The following SLC31A2 variants were observed in gnomAD, a reference collection of about 807,000 sequenced individuals.
The protein encoded by SLC31A2 is protein SLC31A2.
In SLC31A2, 16 loss-of-function variants were observed where a neutral mutation model predicts 14.4. The observed-to-expected ratio is 1.11, with a 90% CI of 0.75 to 1.69. The LOEUF is 1.69. SLC31A2 is among the 40% of genes most tolerant of loss of function. The pLI is 0.00. For missense variants in SLC31A2, 140 were observed against 173.9 expected, an observed-to-expected ratio of 0.81 and a Z score of 1.10; for synonymous variants, 56 against 68.7, an observed-to-expected ratio of 0.82 and a Z score of 0.91.
chr9:113,155,248 C>T (rs943973868), intron 1 of SLC31A2, among the ~76,000 whole-genome samples: 7 of 152,200 alleles, frequency 4.6e-5, no homozygotes, highest in African/African-American at 1.7e-4. Context: ...GTCACAGCTG[C>T]CCCTTGGACT....
At chr9:113,161,318 C>G in intron 2 of SLC31A2, 191 bp from the exon 3 acceptor site, 1 of 594,984 alleles carries the variant, frequency 1.7e-6, no homozygotes, top group Non-Finnish European at 2.9e-6. Context: ...GGCTTCTCTT[C>G]CTGATCTCAA....
At chr9:113,154,979 T>C (rs1038506609) in intron 1 of SLC31A2, among the ~76,000 whole-genome samples, 4 of 152,236 alleles carry the variant, frequency 2.6e-5, no homozygotes, top group African/African-American at 9.6e-5. Context: ...TTCTCATACA[T>C]TCCTTCCTCT....
intron 3 of SLC31A2, chr9:113,162,533 A>G: frequency 2.5e-6 from 1 of 401,136 alleles, no homozygotes; most frequent in Non-Finnish European, 4.3e-6. Flanking sequence ...CTTGAAACCA[A>G]ATGTAGTGAA....
Position 113,163,811 on chromosome 9 carries a change from T to C in SLC31A2, c.*894T>C, listed in dbSNP as rs924050425. ...CTTCTATGCAGAACAAAAAGCTGCA[T>C]CTAATAATGTTCAATACTTAATATT... On this transcript the variant is annotated 3_prime_UTR_variant, in exon 4 of 4. Transcript: ENST00000259392. 2.6e-5 allele frequency: 4 copies of C among 152,644 alleles called. No homozygotes were observed. The highest frequency in any genetic ancestry group is 5.9e-5 in the Non-Finnish European group (4 of 68,050). The allele number at this position is 152,644 out of a possible 1,614,324, so 9.5% of individuals were successfully genotyped here.
At chr9:113,161,806 AG>A (rs1275491873) in intron 3 of SLC31A2, 108 bp downstream of exon 3, 1 of 1,278,656 alleles carries the variant, frequency 7.8e-7, no homozygotes, top group East Asian at 2.4e-5. Flanking sequence ...AGCGAGGCCC[AG>A]GGAAGGACCA....
At position 113,151,479 on chromosome 9, in the gene SLC31A2, G is replaced by A. The variant is rs1829865470; in HGVS notation, c.6+399G>A. ...AGGCTTCCACGAAAGGGAAACCCCCGGCGCATTTCAGCCCGCAGCCCCGCG... is the reference window on the plus strand; with the variant it reads ...AGGCTTCCACGAAAGGGAAACCCCCAGCGCATTTCAGCCCGCAGCCCCGCG... On this transcript the variant is annotated intron_variant, in intron 1 of 3. Coordinates refer to ENST00000259392, the MANE Select transcript of SLC31A2 (RefSeq NM_001860.3). This position sits in a 1 kb window ranked among gnomAD's most constrained non-coding sequence, Gnocchi z 4.2. Among the ~76,000 whole-genome samples, 1 of 152,122 alleles carries A rather than the reference G, an allele frequency of 6.6e-6. No individual in the cohort carries two copies. Among genetic ancestry groups the A allele is most frequent in the Non-Finnish European group, 1.5e-5 (1 of 68,010 alleles).
Position 113,161,506 on chromosome 9 carries a change from CA to C in SLC31A2, c.74-2del. 6.2e-7 allele frequency: 1 copy of C among 1,613,500 alleles called. No individual in the cohort carries two copies. The highest frequency in any genetic ancestry group is 1.1e-5 in the South Asian group (1 of 90,996). ...GTCTCCACAACTCTGCCTCCTTTGA[CA>C]GGCATGGCCCTTTCGGTGTTGGTGC... On this transcript the variant is annotated splice_acceptor_variant, in intron 2 of 3. Coordinates refer to ENST00000259392, the MANE Select transcript of SLC31A2 (RefSeq NM_001860.3). LOFTEE classifies it high-confidence loss of function.
intron 1 of SLC31A2, among the ~76,000 whole-genome samples, chr9:113,154,258 G>T (rs1829905370): frequency 6.6e-6 from 1 of 152,132 alleles, no homozygotes; most frequent in South Asian, 2.1e-4. Flanking sequence ...TGAAAGTGAG[G>T]CCAAACCAAG....
intron 3 of SLC31A2, 72 bp downstream of exon 3, chr9:113,161,770 C>T (rs778027911): frequency 6.6e-7 from 1 of 1,515,720 alleles, no homozygotes; most frequent in East Asian, 2.3e-5. Context: ...GCCCAGACAG[C>T]ATTAGCCCCA....
intron 1 of SLC31A2, among the ~76,000 whole-genome samples, chr9:113,157,323 C>T (rs1298384035): frequency 2.6e-5 from 4 of 152,210 alleles, no homozygotes; most frequent in African/African-American, 4.8e-5. Flanking sequence ...AAGAGGACTC[C>T]AGGCTTCCAT....
chr9:113,157,448 C>G (rs1250474029), intron 1 of SLC31A2, among the ~76,000 whole-genome samples: 1 of 152,232 alleles, frequency 6.6e-6, no homozygotes, highest in East Asian at 1.9e-4. Context: ...TCTGAGGACA[C>G]TGTCACATCC....
chr9:113,159,230 A>G (rs947284951), intron 2 of SLC31A2, among the ~76,000 whole-genome samples: 2 of 152,126 alleles, frequency 1.3e-5, no homozygotes, highest in African/African-American at 2.4e-5. Flanking sequence ...TCCCAGGTTC[A>G]AGCAATTCTC....
chr9:113,154,683 C>G (rs1829911887), intron 1 of SLC31A2, among the ~76,000 whole-genome samples: 1 of 152,198 alleles, frequency 6.6e-6, no homozygotes, highest in Non-Finnish European at 1.5e-5. Context: ...CCCAGTGATT[C>G]ACCCGGGACT....
intron 2 of SLC31A2, chr9:113,158,108 T>C (rs928838332): frequency 1.4e-5 from 7 of 497,770 alleles, no homozygotes; most frequent in Non-Finnish European, 2.9e-5. Context: ...TAAGTACGCA[T>C]CAGAGCCACT....
intron 3 of SLC31A2, 97 bp from the exon 4 acceptor site, chr9:113,162,652 C>A: frequency 8.9e-7 from 1 of 1,126,572 alleles, no homozygotes; most frequent in Non-Finnish European, 1.3e-6. Flanking sequence ...TCAATCGGGT[C>A]ACGTAACTCA....
chr9:113,156,675 G>A (rs1210406591), intron 1 of SLC31A2, among the ~76,000 whole-genome samples: 5 of 152,190 alleles, frequency 3.3e-5, no homozygotes, highest in African/African-American at 1.2e-4. Flanking sequence ...CTTACCTGGG[G>A]ACCAGAGGGG....
rs201957694 is a variant in SLC31A2, at chr9:113,162,737, C to G, written c.264-12C>G. 23 of 1,605,296 alleles carry G rather than the reference C, an allele frequency of 1.4e-5. No homozygotes were observed. The highest frequency in any genetic ancestry group is 2.0e-5 in the Non-Finnish European group (23 of 1,175,052). On this transcript the variant is annotated splice_polypyrimidine_tract_variant and intron_variant, in intron 3 of 3. Transcript: ENST00000259392. ...CATTACCAGGATTAACTTGCTTCTC[C>G]TTTTTATCTAGGTGGTATTTGTGTC...
At position 113,151,017 on chromosome 9, in the gene SLC31A2, G is replaced by C. The variant is rs919614196; in HGVS notation, c.-58G>C. On this transcript the variant is annotated 5_prime_UTR_variant, in exon 1 of 4. Transcript: ENST00000259392. The surrounding 1 kb of genome is among the most constrained non-coding windows in gnomAD (Gnocchi z 4.2). Reference sequence around the variant, plus strand: ...GCGGCGGCGGCGGTTGAACTGACTCGGAGCGAGGAGACCCGAGCGAGCAGA... The same window carrying C: ...GCGGCGGCGGCGGTTGAACTGACTCCGAGCGAGGAGACCCGAGCGAGCAGA... 2 of 1,292,386 alleles carry C rather than the reference G, an allele frequency of 1.5e-6. No individual in the cohort carries two copies. Among genetic ancestry groups the C allele is most frequent in the Admixed American group, 3.8e-5 (1 of 26,514 alleles). The allele number at this position is 1,292,386 out of a possible 1,614,324, so 80.1% of individuals were successfully genotyped here. A position where few individuals can be genotyped will look rare whatever the true frequency, so the allele number is the denominator to read the frequency against.
At chr9:113,158,965 T>C (rs1191956254) in intron 2 of SLC31A2, among the ~76,000 whole-genome samples, 2 of 152,042 alleles carry the variant, frequency 1.3e-5, no homozygotes, top group African/African-American at 4.8e-5. Context: ...GGGGAAAAGG[T>C]AAATCTGTGT....
Sources: gnomAD v4.1 joint callset for allele counts (sites outside exome capture counted in the v4.1 genomes callset) on GRCh38, gnomAD v4.1.1 for gene constraint, Gnocchi (gnomAD v3.1) non-coding constraint, MANE v1.5 for transcripts, NCBI Gene and HGNC (gene_info 2026-07-23, HGNC 2026-07-21) for gene names.